The following NF1 variants were observed in gnomAD, a reference collection of about 807,000 sequenced individuals.
NF1 encodes the protein neurofibromin.
NF1 carries 122 observed loss-of-function variants against 325.7 expected under a neutral mutation model. The observed-to-expected ratio is 0.37, with a 90% CI of 0.32 to 0.44. NF1 has a LOEUF of 0.44. Among genes scored for constraint, NF1 ranks in the 20% least tolerant of loss-of-function variants. The pLI is 1.00. For missense variants in NF1, 2,140 were observed against 3,415.4 expected (o/e 0.63, Z 9.31); for synonymous variants, 1,091 against 1,186.0 (o/e 0.92, Z 1.65).
intron 1 of NF1, among the ~76,000 whole-genome samples, chr17:31,144,066 G>A (rs1280821724): frequency 1.3e-5 from 2 of 151,764 alleles, no homozygotes; most frequent in African/African-American, 2.4e-5. Context: ...CTCGTGATCC[G>A]CCCGCCTCGG....
intron 8 of NF1, among the ~76,000 whole-genome samples, chr17:31,194,127 G>T (rs567643071): frequency 2.0e-5 from 3 of 152,250 alleles, no homozygotes; most frequent in African/African-American, 7.2e-5. Context: ...CCAAGATATG[G>T]AATCATCCTA....
Position 31,336,375 on chromosome 17 carries a change from A to C in NF1, c.6049A>C (p.Thr2017Pro). The change falls in exon 41 of 58, where the codon ACC (threonine) becomes CCC (proline). Residue 2017 changes from threonine (T) to proline (P), a missense_variant. Thr to Pro is a conservative substitution (Grantham distance 38). Around this residue, in one of 10 missense-constraint regions of NF1, gnomAD observed 180 missense variants for 435.1 expected, o/e 0.41. Coordinates refer to ENST00000358273, the MANE Select transcript of NF1 (RefSeq NM_001042492.3). This position sits in a 1 kb window ranked among gnomAD's most constrained non-coding sequence, Gnocchi z 5.5. ...TGTTGTACTAGACAGTTTCATCAAA[A>C]CCAGTGCAACAGGTGGCTTGGGATC... ...LDVVLDSFIK[T>P]SATGGLGSIK... 6.2e-7 allele frequency: 1 copy of C among 1,614,122 alleles called. No individual in the cohort carries two copies. Among genetic ancestry groups the C allele is most frequent in the African/African-American group, 1.3e-5 (1 of 75,044 alleles).
chr17:31,152,497 C>A (rs1313227013), intron 1 of NF1, among the ~76,000 whole-genome samples: 1 of 145,458 alleles, frequency 6.9e-6, no homozygotes, highest in Non-Finnish European at 1.5e-5. Context: ...TTTTTATTAT[C>A]TCGTATGTAA....
At position 31,230,356 on chromosome 17, in the gene NF1, C is replaced by T. The variant is rs2151431711; in HGVS notation, c.3087C>T (p.Leu1029=). The change falls in exon 23 of 58, where the codon CTC becomes CTT. Residue 1029 remains leucine (L), a synonymous_variant. Coordinates refer to ENST00000358273, the MANE Select transcript of NF1 (RefSeq NM_001042492.3). ...VEVMMARRDD[L]SFCQEMKFRN... is the part of the protein sequence containing the mutation. ...TAATGATGGCAAGGAGAGATGACCT[C>T]TCATTTTGCCAAGAGATGAAATTTA... The T allele has an allele frequency of 6.2e-7, 1 of 1,613,468 alleles. No individual in the cohort carries two copies. The highest frequency in any genetic ancestry group is 1.1e-5 in the South Asian group (1 of 91,066).
chr17:31,160,178 CG>C (rs1217626083), intron 3 of NF1, among the ~76,000 whole-genome samples: 1 of 152,108 alleles, frequency 6.6e-6, no homozygotes, highest in African/African-American at 2.4e-5. Context: ...CTCCACTTCC[CG>C]GGTTCAAGCT....
chr17:31,103,810 A>T (rs1912591028), intron 1 of NF1, among the ~76,000 whole-genome samples: 1 of 152,146 alleles, frequency 6.6e-6, no homozygotes, highest in African/African-American at 2.4e-5. Flanking sequence ...TCTCTACAAA[A>T]AGTAAAAAAA....
chr17:31,186,425 C>G (rs1237467657), intron 8 of NF1, among the ~76,000 whole-genome samples: 3 of 152,162 alleles, frequency 2.0e-5, no homozygotes, highest in African/African-American at 7.2e-5. Context: ...TCCCAGTGGG[C>G]AGAACTTTGA....
intron 36 of NF1, among the ~76,000 whole-genome samples, chr17:31,294,318 C>T (rs555551760): frequency 1.1e-4 from 17 of 152,136 alleles, no homozygotes; most frequent in African/African-American, 3.6e-4. Flanking sequence ...AAAACACAAC[C>T]GTTAAACTTT....
At chr17:31,164,520 T>C (rs909676278) in intron 4 of NF1, among the ~76,000 whole-genome samples, 1 of 152,258 alleles carries the variant, frequency 6.6e-6, no homozygotes, top group African/African-American at 2.4e-5. Context: ...CGAAGACTAA[T>C]ACCGAATAGA....
Position 31,376,425 on chromosome 17 carries a change from G to A in NF1, c.*2270G>A, listed in dbSNP as rs560282674. ...CATTGGCACAAATCAAAATTCAGCC[G>A]CCTTTGAAATGCAAAAATACCTTTG... On this transcript the variant is annotated 3_prime_UTR_variant, in exon 58 of 58. Transcript: ENST00000358273. 16 of 232,582 alleles carry A rather than the reference G, an allele frequency of 6.9e-5. No homozygotes were observed. Among genetic ancestry groups the A allele is most frequent in the East Asian group, 4.9e-4 (8 of 16,466 alleles). 14.4% of individuals were successfully genotyped at this position (232,582 alleles called of 1,614,324 possible). A position where few individuals can be genotyped will look rare whatever the true frequency, so the allele number is the denominator to read the frequency against.
At chr17:31,175,561 T>G (rs988040706) in intron 5 of NF1, among the ~76,000 whole-genome samples, 2 of 152,120 alleles carry the variant, frequency 1.3e-5, no homozygotes, top group African/African-American at 2.4e-5. Flanking sequence ...AGTTCTGGGG[T>G]ACATGTGTAG....
In NF1 at chr17:31,201,111, C is replaced by T. The variant is rs139648455; in HGVS notation, c.1137C>T (p.Cys379=). The T allele has an allele frequency of 3.6e-4, 585 of 1,613,966 alleles. No homozygotes were observed. The highest frequency in any genetic ancestry group is 4.6e-4 in the Non-Finnish European group (542 of 1,180,004). Residue 379 remains cysteine (C), a synonymous_variant, in exon 10 of 58, where the codon TGC becomes TGT. Coordinates refer to ENST00000358273, the MANE Select transcript of NF1 (RefSeq NM_001042492.3). ...CAGATGTGGATCTAATGATTGACTG[C>T]CTTGTTTCTTGCTTTCGTATAAGCC... is the stretch of plus-strand genomic sequence containing the variant. The part of the protein sequence containing the change: ...QPADVDLMID[C]LVSCFRISPH...
At chr17:31,236,057 G>GTTTTT in intron 29 of NF1, 36 bp downstream of exon 29, 1 of 1,144,770 alleles carries the variant, frequency 8.7e-7, no homozygotes, top group Non-Finnish European at 1.2e-6. Context: ...GCTGTTTTTT[G>GTTTTT]TTTTTTTTTT....
intron 27 of NF1, 55 bp from the exon 28 acceptor site, chr17:31,235,556 A>AC (rs1453282411): frequency 6.9e-6 from 11 of 1,605,288 alleles, no homozygotes; most frequent in Non-Finnish European, 9.4e-6. Flanking sequence ...TTAGCTTCCT[A>AC]CCTAAGAATA....
chr17:31,330,817 C>A, intron 39 of NF1: 2 of 257,540 alleles, frequency 7.8e-6, no homozygotes, highest in Non-Finnish European at 1.5e-5. Context: ...CTCTTCATAG[C>A]AGAAAAGTCC....
At chr17:31,293,425 A>C (rs534624712) in intron 36 of NF1, among the ~76,000 whole-genome samples, 3 of 152,208 alleles carry the variant, frequency 2.0e-5, no homozygotes, top group Non-Finnish European at 4.4e-5. Flanking sequence ...CTGTTTCTTC[A>C]TGGTGAGATT....
intron 36 of NF1, among the ~76,000 whole-genome samples, chr17:31,265,561 A>G (rs1040669704): frequency 6.6e-6 from 1 of 151,826 alleles, no homozygotes; most frequent in East Asian, 1.9e-4. Context: ...ACTCTGTCCT[A>G]CATCATTTTT....
At chr17:31,205,348 G>A (rs1177101625) in intron 11 of NF1, among the ~76,000 whole-genome samples, 2 of 152,016 alleles carry the variant, frequency 1.3e-5, no homozygotes, top group Non-Finnish European at 2.9e-5. Flanking sequence ...AACATCTGGA[G>A]TATTATAAAT....
At chr17:31,118,302 T>G (rs2143359676) in intron 1 of NF1, among the ~76,000 whole-genome samples, 1 of 152,252 alleles carries the variant, frequency 6.6e-6, no homozygotes, top group Non-Finnish European at 1.5e-5. Flanking sequence ...ATTTTTTTTT[T>G]TTTTAATACT....
Sources: gnomAD v4.1 joint callset for allele counts (sites outside exome capture counted in the v4.1 genomes callset) on GRCh38, gnomAD v4.1.1 for gene constraint, gnomAD v4.1.1 regional missense constraint, Gnocchi (gnomAD v3.1) non-coding constraint, MANE v1.5 for transcripts, NCBI Gene and HGNC (gene_info 2026-07-23, HGNC 2026-07-21) for gene names.